Variants in SHISA6 observed in about 807,000 individuals in gnomAD.
SHISA6 encodes shisa family member 6.
Under a neutral mutation model 47.9 loss-of-function variants are expected in SHISA6, and 22 were observed. The ratio of observed to expected loss-of-function variants is 0.46; its 90% CI spans 0.33 to 0.66. SHISA6 has a LOEUF of 0.66. SHISA6 is among the 30% of genes least tolerant of loss of function. The probability of loss-of-function intolerance (pLI) is 0.02; values close to 1 mark genes in which losing one functional copy is unlikely to be tolerated. For synonymous variants in SHISA6, 388 were observed against 337.8 expected (o/e 1.15, Z -1.63); for missense variants, 680 against 764.6 (o/e 0.89, Z 1.30).
At chr17:11,545,698 T>C (rs2071877301) in intron 3 of SHISA6, among the ~76,000 whole-genome samples, 1 of 152,210 alleles carries the variant, frequency 6.6e-6, no homozygotes, top group South Asian at 2.1e-4. Flanking sequence ...ATTCCAGTTG[T>C]TTCAGGTAGG....
rs71142206 is a variant in SHISA6 at position 11,358,667 on chromosome 17, C to CTTTTTTTTTTTTT, written c.800-20746_800-20734dup. The stretch of plus-strand genomic sequence containing the variant: ...AGCCACCGCACCTGGCCAGAATTTC[C>CTTTTTTTTTTTTT]TTTTTTTTTTTTTAAAGAATACGTC... On this transcript the variant is annotated intron_variant, in intron 2 of 5. Transcript: ENST00000441885. 1.2e-3 allele frequency among the ~76,000 whole-genome samples: 173 copies of CTTTTTTTTTTTTT among 141,310 alleles called. 2 individuals are homozygous for CTTTTTTTTTTTTT. The highest frequency in any genetic ancestry group is 4.3e-3 in the African/African-American group (161 of 37,060). 92.7% of individuals were successfully genotyped at this position (141,310 alleles called of 152,430 possible).
intron 2 of SHISA6, among the ~76,000 whole-genome samples, chr17:11,320,768 C>T (rs1375734425): frequency 2.0e-5 from 3 of 152,134 alleles, no homozygotes; most frequent in African/African-American, 7.2e-5. Flanking sequence ...GAGAAGCACT[C>T]ATTTTTAGAG....
At chr17:11,343,904 G>A (rs1222910958) in intron 2 of SHISA6, among the ~76,000 whole-genome samples, 1 of 152,142 alleles carries the variant, frequency 6.6e-6, no homozygotes, top group African/African-American at 2.4e-5. Context: ...GGCCAGGCTC[G>A]CCTCGAACTC....
chr17:11,316,679 C>G (rs1368372277), intron 2 of SHISA6, among the ~76,000 whole-genome samples: 1 of 152,056 alleles, frequency 6.6e-6, no homozygotes, highest in Non-Finnish European at 1.5e-5. Flanking sequence ...CTCGGCCTCC[C>G]AAAGTGTTGG....
intron 1 of SHISA6, among the ~76,000 whole-genome samples, chr17:11,259,263 C>A (rs1908136675): frequency 6.6e-6 from 1 of 152,144 alleles, no homozygotes; most frequent in African/African-American, 2.4e-5. Context: ...AATGTGAATT[C>A]AGCACTTACT....
intron 3 of SHISA6, among the ~76,000 whole-genome samples, chr17:11,521,510 G>T (rs993976511): frequency 6.6e-6 from 1 of 152,144 alleles, no homozygotes; most frequent in Non-Finnish European, 1.5e-5. Context: ...GAAGGCAGGC[G>T]CAGTGGTTCA....
At chr17:11,517,537 C>G (rs2071595629) in intron 3 of SHISA6, among the ~76,000 whole-genome samples, 1 of 152,260 alleles carries the variant, frequency 6.6e-6, no homozygotes, top group South Asian at 2.1e-4. Context: ...GGTTCTTGCT[C>G]TGTCACCCAG....
At chr17:11,381,220 C>T (rs556651307) in intron 3 of SHISA6, among the ~76,000 whole-genome samples, 31 of 152,288 alleles carry the variant, frequency 2.0e-4, no homozygotes, top group African/African-American at 6.7e-4. Context: ...TTCCCCTACC[C>T]CTTACTCTTA....
chr17:11,487,564 C>G (rs1015349029), intron 3 of SHISA6, among the ~76,000 whole-genome samples: 1 of 152,138 alleles, frequency 6.6e-6, no homozygotes, highest in African/African-American at 2.4e-5. Context: ...TGCAGTAATC[C>G]TCCCCTGAGA....
intron 3 of SHISA6, among the ~76,000 whole-genome samples, chr17:11,475,184 T>C (rs1334788354): frequency 6.6e-6 from 1 of 152,172 alleles, no homozygotes; most frequent in African/African-American, 2.4e-5. Flanking sequence ...TTTTTTGTTG[T>C]TGAATCTTCT....
chr17:11,393,610 T>TTATA (rs753258390), intron 3 of SHISA6, among the ~76,000 whole-genome samples: 1 of 151,884 alleles, frequency 6.6e-6, no homozygotes, highest in Non-Finnish European at 1.5e-5. Flanking sequence ...AGCCAGAATC[T>TTATA]TATATATATA....
At chr17:11,247,008 C>T (rs1323843178) in intron 1 of SHISA6, among the ~76,000 whole-genome samples, 1 of 152,172 alleles carries the variant, frequency 6.6e-6, no homozygotes, top group African/African-American at 2.4e-5. Context: ...TTACCCTACC[C>T]GAGGTGGGGA....
intron 3 of SHISA6, among the ~76,000 whole-genome samples, chr17:11,533,874 A>T (rs1047282574): frequency 1.3e-5 from 2 of 151,830 alleles, no homozygotes; most frequent in African/African-American, 4.8e-5. Flanking sequence ...TACAGGCGTG[A>T]GCCACCGCGC....
At chr17:11,320,342 TG>T (rs1477619213) in intron 2 of SHISA6, among the ~76,000 whole-genome samples, 1 of 151,800 alleles carries the variant, frequency 6.6e-6, no homozygotes, top group Non-Finnish European at 1.5e-5. Context: ...TGTTTGTGCA[TG>T]GGGGGTGGGG....
chr17:11,442,673 T>C (rs1915123371), intron 3 of SHISA6, among the ~76,000 whole-genome samples: 1 of 152,198 alleles, frequency 6.6e-6, no homozygotes, highest in Admixed American at 6.5e-5. Flanking sequence ...GTAGAATCTA[T>C]GCTAATAGAT....
intron 3 of SHISA6, among the ~76,000 whole-genome samples, chr17:11,384,130 T>G (rs1913119948): frequency 6.6e-6 from 1 of 152,238 alleles, no homozygotes; most frequent in African/African-American, 2.4e-5. Flanking sequence ...TCAGAGCAGT[T>G]GAGCAACTTG....
chr17:11,483,230 G>A (rs1916263262), intron 3 of SHISA6, among the ~76,000 whole-genome samples: 1 of 151,848 alleles, frequency 6.6e-6, no homozygotes, highest in African/African-American at 2.4e-5. Context: ...GAACTTGGGA[G>A]GCGGAGGTTG....
At chr17:11,486,433 T>C (rs1465083073) in intron 3 of SHISA6, among the ~76,000 whole-genome samples, 1 of 152,210 alleles carries the variant, frequency 6.6e-6, no homozygotes, top group Non-Finnish European at 1.5e-5. Flanking sequence ...TGGCACATAG[T>C]TGGCAGATAG....
At chr17:11,256,504 A>G (rs1443553227) in intron 1 of SHISA6, among the ~76,000 whole-genome samples, 1 of 152,124 alleles carries the variant, frequency 6.6e-6, no homozygotes, top group Non-Finnish European at 1.5e-5. Context: ...TCAAAAAACA[A>G]AACAAAACAA....
Sources: allele counts gnomAD v4.1 joint callset (sites outside exome capture counted in the v4.1 genomes callset), GRCh38; gene constraint gnomAD v4.1.1; transcripts MANE v1.5; gene names NCBI Gene and HGNC (gene_info 2026-07-23, HGNC 2026-07-21).